The following GPR39 variants were observed in gnomAD, a reference collection of about 807,000 sequenced individuals.
GPR39 encodes the protein zinc sensing receptor.
In GPR39, 23 loss-of-function variants were observed where a neutral mutation model predicts 18.4. That is an observed-to-expected ratio of 1.25 (90% CI 0.90 to 1.77). GPR39 has a LOEUF of 1.77. GPR39 is among the 40% of genes most tolerant of loss of function. The pLI, the probability that GPR39 is intolerant of heterozygous loss-of-function variation, is 0.00. For synonymous variants in GPR39, 280 were observed against 257.9 expected (o/e 1.09, Z -0.82); for missense variants, 647 against 602.4 (o/e 1.07, Z -0.78).
rs113069423 is a variant in GPR39, at chr2:132,529,702, G to A, written c.856+111804G>A. ...GCAGCATTTGCGGTTCACCAATATC[G>A]GCTGTTCTGCAGCCACCGCTGCTGA... is the stretch of plus-strand genomic sequence containing the variant. On this transcript the variant is annotated intron_variant, in intron 1 of 1. Transcript: ENST00000329321. Among the ~76,000 whole-genome samples, 21 of 152,232 alleles carry A rather than the reference G, an allele frequency of 1.4e-4. 1 individual carries two copies. Among genetic ancestry groups the A allele is most frequent in the Admixed American group, 3.9e-4 (6 of 15,282 alleles).
At chr2:132,535,694 G>GTTTTTTTTTTTTTTTTTTTTTTTTTT (rs1252242856) in intron 1 of GPR39, among the ~76,000 whole-genome samples, 1 of 60,974 alleles carries the variant, frequency 1.6e-5, no homozygotes, top group African/African-American at 7.8e-5. Context: ...CTGGTCCTGG[G>GTTTTTTTTTTTTTTTTTTTTTTTTTT]CTTTTTTTTT....
chr2:132,465,187 G>T (rs1237805874), intron 1 of GPR39, among the ~76,000 whole-genome samples: 2 of 150,912 alleles, frequency 1.3e-5, no homozygotes, highest in Non-Finnish European at 3.0e-5. Context: ...TAAAACAAAA[G>T]CAAAAAAAAA....
chr2:132,589,911 A>G (rs926015620), intron 1 of GPR39, among the ~76,000 whole-genome samples: 5 of 152,164 alleles, frequency 3.3e-5, no homozygotes, highest in African/African-American at 1.2e-4. Flanking sequence ...AGGCATTGTA[A>G]TTTAATATGT....
chr2:132,481,376 AC>A (rs1388157495), intron 1 of GPR39, among the ~76,000 whole-genome samples: 1 of 152,228 alleles, frequency 6.6e-6, no homozygotes, highest in African/African-American at 2.4e-5. Context: ...GACTGGTTTC[AC>A]CTTGGCATGG....
At chr2:132,632,950 C>T (rs73955761) in intron 1 of GPR39, among the ~76,000 whole-genome samples, 5,791 of 152,194 alleles carry the variant, frequency 0.038, 380 homozygotes, top group African/African-American at 0.13. Context: ...CATGGTCACA[C>T]AGTTAATAAG....
chr2:132,442,984 A>T (rs1680467601), intron 1 of GPR39, among the ~76,000 whole-genome samples: 1 of 152,228 alleles, frequency 6.6e-6, no homozygotes. Context: ...TTTAATTTAC[A>T]TTAAAATGAA....
chr2:132,417,955 C>T, intron 1 of GPR39, 57 bp downstream of exon 1: 4 of 1,520,662 alleles, frequency 2.6e-6, no homozygotes, highest in Non-Finnish European at 3.5e-6. Context: ...CCCCACGACC[C>T]GTGCCACTGC....
intron 1 of GPR39, among the ~76,000 whole-genome samples, chr2:132,630,419 A>T (rs761678805): frequency 2.6e-5 from 4 of 152,132 alleles, no homozygotes; most frequent in Admixed American, 6.6e-5. Flanking sequence ...AGGAACCAAG[A>T]GAGGGTTGGG....
intron 1 of GPR39, among the ~76,000 whole-genome samples, chr2:132,429,071 C>G (rs1388294846): frequency 6.6e-6 from 1 of 152,194 alleles, no homozygotes; most frequent in Non-Finnish European, 1.5e-5. Context: ...CAGGGCTGAC[C>G]AGAGCACTAG....
At chr2:132,548,267 A>G (rs906930747) in intron 1 of GPR39, among the ~76,000 whole-genome samples, 2 of 152,162 alleles carry the variant, frequency 1.3e-5, no homozygotes, top group Non-Finnish European at 2.9e-5. Flanking sequence ...CATTGTTTTT[A>G]GTTTAAATAA....
intron 1 of GPR39, among the ~76,000 whole-genome samples, chr2:132,608,128 A>G (rs1245420905): frequency 2.6e-5 from 4 of 152,230 alleles, no homozygotes; most frequent in African/African-American, 7.2e-5. Flanking sequence ...AACTCTTAAA[A>G]AGTCATTTGC....
chr2:132,422,024 TAA>T (rs1399316323), intron 1 of GPR39, among the ~76,000 whole-genome samples: 1 of 152,202 alleles, frequency 6.6e-6, no homozygotes, highest in African/African-American at 2.4e-5. Flanking sequence ...GTTACAAATA[TAA>T]GTTATAGTTA....
chr2:132,548,620 G>A (rs903802982), intron 1 of GPR39, among the ~76,000 whole-genome samples: 1 of 152,192 alleles, frequency 6.6e-6, no homozygotes, highest in African/African-American at 2.4e-5. Context: ...TTCTTGCCAC[G>A]TGGCAGCTCC....
intron 1 of GPR39, among the ~76,000 whole-genome samples, chr2:132,635,278 T>C (rs1234856310): frequency 2.6e-5 from 4 of 152,224 alleles, no homozygotes; most frequent in African/African-American, 9.6e-5. Flanking sequence ...GCAGCTACTA[T>C]ATAAACGTTT....
At chr2:132,577,259 A>G (rs1680545529) in intron 1 of GPR39, among the ~76,000 whole-genome samples, 1 of 152,054 alleles carries the variant, frequency 6.6e-6, no homozygotes, top group Non-Finnish European at 1.5e-5. Flanking sequence ...TTGGAGACTG[A>G]GGTGGGAGGA....
chr2:132,645,319 C>T lies in GPR39; in HGVS notation c.1075C>T (p.Leu359=). 1 of 1,614,212 alleles carries T rather than the reference C, an allele frequency of 6.2e-7. No individual in the cohort carries two copies. Among genetic ancestry groups the T allele is most frequent in the Non-Finnish European group, 8.5e-7 (1 of 1,180,034 alleles). The change falls in exon 2 of 2, where the codon CTG becomes TTG. Residue 359 remains leucine, a synonymous_variant. Coordinates refer to ENST00000329321, the MANE Select transcript of GPR39 (RefSeq NM_001508.3). ...GTTTCGGCGGGTGTTCGTGCAGGTG[C>T]TGTGCTGCCGCCTGTCGCTGCAGCA... is the stretch of plus-strand genomic sequence containing the variant. ...QQFRRVFVQV[L]CCRLSLQHAN... is the part of the protein sequence containing the mutation.
intron 1 of GPR39, among the ~76,000 whole-genome samples, chr2:132,547,269 A>G (rs755143019): frequency 5.9e-5 from 9 of 152,194 alleles, no homozygotes; most frequent in Non-Finnish European, 1.0e-4. Context: ...CTAGACAAAA[A>G]TGGGTTCCAT....
Position 132,435,717 on chromosome 2 carries a change from C to T in GPR39, c.856+17819C>T, listed in dbSNP as rs993460280. Among the ~76,000 whole-genome samples the T allele has an allele frequency of 2.0e-5, 3 of 151,782 alleles. No individual in the cohort carries two copies. The East Asian group carries it at 5.8e-4, about 29-fold the overall frequency. On this transcript the variant is annotated intron_variant, in intron 1 of 1. Transcript: ENST00000329321. ...GTTCTAGTCATTGCCAGGCCACAGA[C>T]TTGTAACATTTTGAGCAAATCTCCA...
chr2:132,592,653 A>G (rs2104833515), intron 1 of GPR39, among the ~76,000 whole-genome samples: 1 of 152,324 alleles, frequency 6.6e-6, no homozygotes, highest in South Asian at 2.1e-4. Flanking sequence ...CTAAAGGGTC[A>G]GAGAGAAAGA....
Sources: allele counts gnomAD v4.1 joint callset (sites outside exome capture counted in the v4.1 genomes callset), GRCh38; gene constraint gnomAD v4.1.1; transcripts MANE v1.5; gene names NCBI Gene and HGNC (gene_info 2026-07-23, HGNC 2026-07-21).